The following RNF213 variants were observed in gnomAD, a reference collection of about 807,000 sequenced individuals.
RNF213 encodes the protein ring finger protein 213.
In RNF213, 341 loss-of-function variants were observed where a neutral mutation model predicts 514.4. The observed-to-expected ratio is 0.66, with a 90% CI of 0.61 to 0.73. RNF213 has a LOEUF of 0.73. RNF213 is among the 30% of genes least tolerant of loss of function. The pLI, the probability that RNF213 is intolerant of heterozygous loss-of-function variation, is 0.00. For synonymous variants in RNF213, 2,655 were observed against 2,658.2 expected (o/e 1.00, Z 0.04); for missense variants, 5,767 against 6,615.6 (o/e 0.87, Z 4.45).
chr17:80,314,357 G>A (rs183957213), intron 15 of RNF213, among the ~76,000 whole-genome samples: 1,289 of 5,282 alleles, frequency 0.24, 486 homozygotes, highest in African/African-American at 0.38. Flanking sequence ...TGGAGGTACT[G>A]GAGGTGATGG....
At chr17:80,382,129 T>C (rs769254427) in intron 57 of RNF213, 24 of 229,912 alleles carry the variant, frequency 1.0e-4, no homozygotes, top group Non-Finnish European at 1.8e-4. Context: ...TGTCAAAGGA[T>C]CAATCACCAT....
intron 10 of RNF213, among the ~76,000 whole-genome samples, chr17:80,297,047 AG>A (rs2044977939): frequency 6.6e-6 from 1 of 152,178 alleles, no homozygotes; most frequent in Non-Finnish European, 1.5e-5. Flanking sequence ...GTGGAGGCAA[AG>A]GCAATGTACA....
Position 80,346,063 on chromosome 17 carries a change from T to G in RNF213, c.7728T>G (p.Ile2576Met). The G allele has an allele frequency of 6.2e-7, 1 of 1,614,182 alleles. No individual in the cohort carries two copies. The highest frequency in any genetic ancestry group is 1.3e-5 in the African/African-American group (1 of 75,054). ...TCCATGCTCTGCCCCCGAGCCTGAT[T>G]CCTCTGGTGTGGGACTTTGGACAAC... is the stretch of plus-strand genomic sequence containing the variant. ...YRVHALPPSL[I>M]PLVWDFGQLS... The change falls in exon 29 of 68, where the codon ATT (isoleucine) becomes ATG (methionine). Residue 2576 changes from isoleucine (I) to methionine (M), a missense_variant. Physicochemically the swap from Ile to Met is conservative, Grantham distance 10. Transcript: ENST00000582970. This position sits in a 1 kb window ranked among gnomAD's most constrained non-coding sequence, Gnocchi z 8.1.
chr17:80,335,125 G>A (rs1276884537), intron 22 of RNF213, among the ~76,000 whole-genome samples: 1 of 152,134 alleles, frequency 6.6e-6, no homozygotes, highest in Admixed American at 6.6e-5. Flanking sequence ...GTTTCACCGT[G>A]TTGGCCAGGC....
Position 80,347,357 on chromosome 17 carries a change from T to A in RNF213, c.9022T>A (p.Cys3008Ser), listed in dbSNP as rs61600413. The part of the protein sequence containing the change: ...IFLANLPEAK[C>S]SEEVSPMQLI... ...TCTGGCCAATTTGCCCGAGGCCAAGTGCTCAGAGGAAGTCAGCCCCATGCA... is the reference window on the plus strand; with the variant it reads ...TCTGGCCAATTTGCCCGAGGCCAAGAGCTCAGAGGAAGTCAGCCCCATGCA... The change falls in exon 29 of 68, where the codon TGC becomes AGC. Residue 3008 changes from cysteine (C) to serine (S), a missense_variant. Transcript: ENST00000582970. The surrounding 1 kb of genome is among the most constrained non-coding windows in gnomAD (Gnocchi z 7.2). The A allele has an allele frequency of 6.2e-7, 1 of 1,613,714 alleles. No individual in the cohort carries two copies. The highest frequency in any genetic ancestry group is 1.3e-5 in the African/African-American group (1 of 74,850).
chr17:80,388,438 T>C (rs977454103), intron 63 of RNF213, 174 bp from the exon 64 acceptor site: 1 of 652,394 alleles, frequency 1.5e-6, no homozygotes, highest in Non-Finnish European at 2.8e-6. Flanking sequence ...CCCGGTTGTG[T>C]TACTATTTCC....
intron 23 of RNF213, 91 bp downstream of exon 23, chr17:80,336,469 C>A: frequency 8.8e-7 from 1 of 1,136,784 alleles, no homozygotes; most frequent in East Asian, 2.6e-5. Context: ...GGTGGCACAC[C>A]TGTGTGGTAG....
chr17:80,311,095 T>C (rs1010731674), intron 14 of RNF213, among the ~76,000 whole-genome samples: 11 of 152,144 alleles, frequency 7.2e-5, no homozygotes, highest in Non-Finnish European at 1.5e-4. Flanking sequence ...TTACTTAGGA[T>C]TTATTTTCTA....
In RNF213 at chr17:80,333,763, G is replaced by A. The variant is rs537566892; in HGVS notation, c.4144-342G>A. 39 of 237,432 alleles carry A rather than the reference G, an allele frequency of 1.6e-4. 1 individual carries two copies. Among genetic ancestry groups the A allele is most frequent in the Non-Finnish European group, 2.8e-4 (33 of 118,398 alleles). The allele number at this position is 237,432 out of a possible 1,614,324, so 14.7% of individuals were successfully genotyped here. ...CACTTGAACCCTAGTGCACGTCCTC[G>A]AGGAAGCAACTGCTCTGGGCCTTTA... On this transcript the variant is annotated intron_variant, in intron 21 of 67. Coordinates refer to ENST00000582970, the MANE Select transcript of RNF213 (RefSeq NM_001256071.3).
At chr17:80,366,482 A>C (rs1484409292) in intron 42 of RNF213, among the ~76,000 whole-genome samples, 1 of 152,050 alleles carries the variant, frequency 6.6e-6, no homozygotes, top group African/African-American at 2.4e-5. Flanking sequence ...TTCTCTAATG[A>C]CTAGTTATGA....
At chr17:80,356,532 T>A (rs919967755) in intron 36 of RNF213, among the ~76,000 whole-genome samples, 1 of 152,214 alleles carries the variant, frequency 6.6e-6, no homozygotes, top group South Asian at 2.1e-4. Context: ...TCACCACCAC[T>A]GTGTTCTGGG....
intron 36 of RNF213, chr17:80,354,931 G>C: frequency 2.7e-6 from 1 of 370,722 alleles, no homozygotes; most frequent in South Asian, 2.2e-5. Context: ...TGCAGAGCAG[G>C]CAGGGGACAG....
chr17:80,272,951 CAG>C (rs1168410568), intron 2 of RNF213, among the ~76,000 whole-genome samples: 2 of 151,750 alleles, frequency 1.3e-5, no homozygotes, highest in East Asian at 1.9e-4. Context: ...CATCCTAGTA[CAG>C]AGTCAGGTGA....
rs1202943217 is a variant in RNF213, at chr17:80,260,877, G to C, written c.-134G>C. On this transcript the variant is annotated 5_prime_UTR_variant, in exon 1 of 68. Transcript: ENST00000582970. Reference sequence around the variant, plus strand: ...GTGACCCGAGGGGCGACAGCGCGCGGCAGGCGGCGAGCTCGGGGGCCGCAG... The same window carrying C: ...GTGACCCGAGGGGCGACAGCGCGCGCCAGGCGGCGAGCTCGGGGGCCGCAG... 6.7e-6 allele frequency: 1 copy of C among 150,364 alleles called. No homozygotes were observed. Among genetic ancestry groups the C allele is most frequent in the Non-Finnish European group, 1.5e-5 (1 of 67,342 alleles). The allele number at this position is 150,364 out of a possible 1,614,324, so 9.3% of individuals were successfully genotyped here.
In RNF213 at chr17:80,377,336, C is replaced by T. The variant is rs751117430; in HGVS notation, c.13510+373C>T. On this transcript the variant is annotated intron_variant, in intron 53 of 67. Coordinates refer to ENST00000582970, the MANE Select transcript of RNF213 (RefSeq NM_001256071.3). The surrounding 1 kb of genome is among the most constrained non-coding windows in gnomAD (Gnocchi z 4.1). The stretch of plus-strand genomic sequence containing the variant: ...TTCTGAAATATATGAAATATAGAAC[C>T]GGGAGACTGACTCATATAACCCATG... 1.8e-4 allele frequency among the ~76,000 whole-genome samples: 27 copies of T among 151,694 alleles called. No homozygotes were observed. Among genetic ancestry groups the T allele is most frequent in the East Asian group, 3.9e-4 (2 of 5,172 alleles).
chr17:80,298,691 A>G, intron 11 of RNF213, 173 bp downstream of exon 11: 1 of 716,570 alleles, frequency 1.4e-6, no homozygotes, highest in South Asian at 1.7e-5. Context: ...TAGGCTGTGC[A>G]CAGTGGCTCA....
At position 80,382,244 on chromosome 17, in the gene RNF213, A is replaced by T. The variant is rs117929479; in HGVS notation, c.13978+517A>T. ...ACTGAGCTAACTTTCTATTTTAAAA[A>T]TTTAAATCCATACAGAAAGAAAAGG... On this transcript the variant is annotated intron_variant, in intron 57 of 67. Coordinates refer to ENST00000582970, the MANE Select transcript of RNF213 (RefSeq NM_001256071.3). 520 of 158,662 alleles carry T rather than the reference A, an allele frequency of 3.3e-3. 3 individuals are homozygous for T. The highest frequency in any genetic ancestry group is 6.0e-3 in the Non-Finnish European group (431 of 71,478). 9.8% of individuals were successfully genotyped at this position (158,662 alleles called of 1,614,324 possible).
intron 7 of RNF213, 40 bp from the exon 8 acceptor site, chr17:80,291,588 A>T: frequency 1.3e-6 from 2 of 1,595,808 alleles, no homozygotes; most frequent in Non-Finnish European, 1.7e-6. Context: ...TTTCCGGGGT[A>T]GGAATTTTGG....
At chr17:80,338,804 C>T (rs1051049301) in intron 25 of RNF213, among the ~76,000 whole-genome samples, 12 of 151,582 alleles carry the variant, frequency 7.9e-5, no homozygotes, top group Middle Eastern at 3.4e-3. Context: ...AAAAATTAGC[C>T]GGGCATGGTG....
Sources: allele counts gnomAD v4.1 joint callset (sites outside exome capture counted in the v4.1 genomes callset), GRCh38; gene constraint gnomAD v4.1.1; non-coding constraint Gnocchi (gnomAD v3.1); transcripts MANE v1.5; gene names NCBI Gene and HGNC (gene_info 2026-07-23, HGNC 2026-07-21).